DPYD: variants seen among roughly 807,000 people sequenced by gnomAD.
DPYD encodes the protein dihydropyrimidine dehydrogenase.
DPYD carries 109 observed loss-of-function variants against 116.2 expected under a neutral mutation model. That is an observed-to-expected ratio of 0.94 (90% confidence interval 0.80 to 1.10). The LOEUF is 1.10. DPYD is among the 50% of genes least tolerant of loss of function. The pLI is 0.00. For synonymous variants in DPYD, 440 were observed against 432.0 expected (o/e 1.02, Z -0.23); for missense variants, 1,302 against 1,254.5 (o/e 1.04, Z -0.57).
At chr1:97,842,461 T>C (rs1670081866) in intron 2 of DPYD, among the ~76,000 whole-genome samples, 1 of 152,010 alleles carries the variant, frequency 6.6e-6, no homozygotes, top group South Asian at 2.1e-4. Context: ...CTCACTAATA[T>C]ATATTTATTT....
At chr1:97,777,355 C>T (rs1666465101) in intron 3 of DPYD, among the ~76,000 whole-genome samples, 1 of 152,130 alleles carries the variant, frequency 6.6e-6, no homozygotes, top group South Asian at 2.1e-4. Flanking sequence ...GCAAATAAGG[C>T]CAAAGAGACT....
intron 8 of DPYD, among the ~76,000 whole-genome samples, chr1:97,660,962 T>C (rs988241137): frequency 1.9e-4 from 29 of 152,108 alleles, no homozygotes; most frequent in African/African-American, 6.8e-4. Flanking sequence ...TATTTCTATA[T>C]TAGGAAAACA....
chr1:97,306,191 C>G lies in DPYD; in HGVS notation c.2165G>C (p.Arg722Thr). ...CAAGTTCTTACCTTCCTTTGCAGCT[C>G]TTGCGATGCTCACAATATCAGTGAC... ...PNVTDIVSIA[R>T]AAKEGGANGV... Residue 722 changes from arginine to threonine, a missense_variant, in exon 17 of 23, where the codon AGA becomes ACA. Physicochemically the swap from Arg to Thr is moderately conservative, Grantham distance 71. Transcript: ENST00000370192. The G allele has an allele frequency of 6.2e-7, 1 of 1,612,522 alleles. No individual in the cohort carries two copies. The highest frequency in any genetic ancestry group is 8.5e-7 in the Non-Finnish European group (1 of 1,178,886).
At chr1:97,230,947 A>T (rs1661553358) in intron 19 of DPYD, among the ~76,000 whole-genome samples, 1 of 152,186 alleles carries the variant, frequency 6.6e-6, no homozygotes. Context: ...TCATGTGCAT[A>T]GTCAGTGAGT....
intron 20 of DPYD, among the ~76,000 whole-genome samples, chr1:97,135,042 C>T (rs1653681097): frequency 6.6e-6 from 1 of 151,776 alleles, no homozygotes; most frequent in Non-Finnish European, 1.5e-5. Context: ...AAAAAATCAG[C>T]CTAAAAGACA....
chr1:97,119,749 CA>C (rs1430588102), intron 20 of DPYD, among the ~76,000 whole-genome samples: 1 of 152,136 alleles, frequency 6.6e-6, no homozygotes, highest in East Asian at 1.9e-4. Context: ...TTTCTGAAAA[CA>C]AAACCCTCTA....
chr1:97,304,015 G>A (rs1425459444), intron 18 of DPYD, among the ~76,000 whole-genome samples: 2 of 151,970 alleles, frequency 1.3e-5, no homozygotes, highest in African/African-American at 4.8e-5. Context: ...TAGTATGGGA[G>A]AATATTCAGA....
intron 2 of DPYD, among the ~76,000 whole-genome samples, chr1:97,868,070 T>C (rs1268764636): frequency 6.6e-6 from 1 of 151,362 alleles, no homozygotes; most frequent in African/African-American, 2.4e-5. Context: ...TATCTACACA[T>C]TAACAATAAA....
chr1:97,818,424 A>G (rs980799383), intron 3 of DPYD, among the ~76,000 whole-genome samples: 4 of 152,022 alleles, frequency 2.6e-5, no homozygotes, highest in Non-Finnish European at 5.9e-5. Context: ...ATAATTATGT[A>G]ATCAATATTT....
intron 19 of DPYD, among the ~76,000 whole-genome samples, chr1:97,198,219 T>C (rs942132548): frequency 6.6e-6 from 1 of 152,094 alleles, no homozygotes; most frequent in South Asian, 2.1e-4. Context: ...TGGACCACAC[T>C]TAGAACAGCA....
intron 1 of DPYD, among the ~76,000 whole-genome samples, chr1:97,886,702 C>T (rs1473709344): frequency 2.0e-5 from 3 of 151,898 alleles, no homozygotes; most frequent in Non-Finnish European, 4.4e-5. Context: ...TTTATTTGAA[C>T]CTGTATGCAG....
intron 19 of DPYD, among the ~76,000 whole-genome samples, chr1:97,194,173 C>T (rs143268641): frequency 0.012 from 1,820 of 152,240 alleles, 36 homozygotes; most frequent in African/African-American, 0.041. Context: ...TTGGCTGTGT[C>T]CCCACACAAA....
intron 16 of DPYD, among the ~76,000 whole-genome samples, chr1:97,324,254 A>G (rs942119713): frequency 2.6e-5 from 4 of 151,944 alleles, no homozygotes; most frequent in African/African-American, 9.7e-5. Flanking sequence ...ACAGCCAGTC[A>G]GTTTCTGTTG....
chr1:97,134,243 T>G (rs1201006905), intron 20 of DPYD, among the ~76,000 whole-genome samples: 1 of 151,638 alleles, frequency 6.6e-6, no homozygotes, highest in African/African-American at 2.4e-5. Flanking sequence ...TTTCAACATT[T>G]AAATTGAGTT....
At chr1:97,673,477 A>G (rs893034791) in intron 8 of DPYD, among the ~76,000 whole-genome samples, 1 of 152,122 alleles carries the variant, frequency 6.6e-6, no homozygotes, top group Non-Finnish European at 1.5e-5. Flanking sequence ...AAACAGTCAA[A>G]AGAGTTGCAT....
Position 97,373,605 on chromosome 1 carries a change from G to T in DPYD, c.2014C>A (p.Pro672Thr). 6.2e-7 allele frequency: 1 copy of T among 1,613,880 alleles called. No individual in the cohort carries two copies. Among genetic ancestry groups the T allele is most frequent in the South Asian group, 1.1e-5 (1 of 91,074 alleles). The change falls in exon 16 of 23, where the codon CCA becomes ACA. Residue 672 changes from proline (P) to threonine (T), a missense_variant. Pro to Thr is a conservative substitution (Grantham distance 38). Transcript: ENST00000370192. ...ATTCCTCTTTCTCCCATGCCATGTG[G>T]ACATGATAAATTTAACTCCAGGGCA... ...ADALELNLSCPHGMGERGMGL... is the reference protein window; with the variant it reads ...ADALELNLSCTHGMGERGMGL...
At chr1:97,560,608 C>T (rs1652076848) in intron 11 of DPYD, among the ~76,000 whole-genome samples, 1 of 151,372 alleles carries the variant, frequency 6.6e-6, no homozygotes, top group African/African-American at 2.4e-5. Flanking sequence ...TTACATCCTG[C>T]TGCAGGCACC....
At chr1:97,816,420 T>C (rs1668610094) in intron 3 of DPYD, among the ~76,000 whole-genome samples, 1 of 152,126 alleles carries the variant, frequency 6.6e-6, no homozygotes, top group Admixed American at 6.6e-5. Context: ...ATTCCATGGG[T>C]ATAAAACTTA....
chr1:97,572,012 T>A lies in DPYD; in HGVS notation c.1339+1748A>T, dbSNP rs1292677690. Among the ~76,000 whole-genome samples the A allele has an allele frequency of 5.3e-5, 8 of 152,006 alleles. No homozygotes were observed. The East Asian group carries it at 1.2e-3, about 22-fold the overall frequency. On this transcript the variant is annotated intron_variant, in intron 11 of 22. Coordinates refer to ENST00000370192, the MANE Select transcript of DPYD (RefSeq NM_000110.4). The stretch of plus-strand genomic sequence containing the variant: ...GAATAACTTCTTATTAAAGTAAACA[T>A]GGAAGGCTCCTGGTAAAGTTAGTAA...
Sources: allele counts gnomAD v4.1 joint callset (sites outside exome capture counted in the v4.1 genomes callset), GRCh38; gene constraint gnomAD v4.1.1; transcripts MANE v1.5; gene names NCBI Gene and HGNC (gene_info 2026-07-23, HGNC 2026-07-21).